Variants in RELN observed in about 807,000 individuals in gnomAD.
RELN encodes the protein reelin.
Under a neutral mutation model 427.6 loss-of-function variants are expected in RELN, and 108 were observed. The ratio of observed to expected loss-of-function variants is 0.25; its 90% CI spans 0.22 to 0.30. The LOEUF (loss-of-function observed/expected upper bound fraction) is 0.30. Ranked by LOEUF, RELN falls within the 10% of genes least tolerant of loss-of-function variation. The probability of loss-of-function intolerance (pLI) is 1.00; values close to 1 mark genes in which losing one functional copy is unlikely to be tolerated. For missense variants in RELN, 3,715 were observed against 4,302.8 expected, an observed-to-expected ratio of 0.86 and a Z score of 3.82; for synonymous variants, 1,524 against 1,513.4, an observed-to-expected ratio of 1.01 and a Z score of -0.16.
intron 12 of RELN, among the ~76,000 whole-genome samples, chr7:103,658,669 A>G (rs2191704): frequency 0.33 from 49,612 of 151,724 alleles, 8,336 homozygotes; most frequent in South Asian, 0.39. Context: ...TGAAGTAGCC[A>G]TCCTCCTCTT....
intron 41 of RELN, among the ~76,000 whole-genome samples, chr7:103,547,861 C>T (rs1294178474): frequency 6.6e-6 from 1 of 152,182 alleles, no homozygotes; most frequent in Non-Finnish European, 1.5e-5. Flanking sequence ...TGCCTTGACA[C>T]AGAAACTGCA....
intron 3 of RELN, among the ~76,000 whole-genome samples, chr7:103,828,719 A>C (rs1305638351): frequency 2.0e-5 from 3 of 151,862 alleles, no homozygotes; most frequent in Admixed American, 1.3e-4. Context: ...TCAAGATCAA[A>C]CCCATGTTCA....
At chr7:103,774,436 C>T (rs1052241967) in intron 4 of RELN, among the ~76,000 whole-genome samples, 4 of 151,982 alleles carry the variant, frequency 2.6e-5, no homozygotes, top group Admixed American at 2.0e-4. Flanking sequence ...ACAGTCTTGT[C>T]ATAAGAGATA....
chr7:103,754,745 C>T (rs1562992803), intron 4 of RELN, among the ~76,000 whole-genome samples: 1 of 152,084 alleles, frequency 6.6e-6, no homozygotes, highest in Non-Finnish European at 1.5e-5. Flanking sequence ...CATCACACTC[C>T]AGCCTGAGCA....
intron 20 of RELN, among the ~76,000 whole-genome samples, chr7:103,616,789 G>C (rs1832090376): frequency 6.6e-6 from 1 of 152,018 alleles, no homozygotes; most frequent in Non-Finnish European, 1.5e-5. Context: ...AATGAATCAA[G>C]CCAATCTTCA....
At position 103,873,105 on chromosome 7, in the gene RELN, A is replaced by C. The variant is rs1334629641; in HGVS notation, c.338-39433T>G. Among the ~76,000 whole-genome samples, 3 of 151,846 alleles carry C rather than the reference A, an allele frequency of 2.0e-5. No individual in the cohort carries two copies. The East Asian group carries it at 5.9e-4, about 30-fold the overall frequency. Reference sequence around the variant, plus strand: ...CTGAACAACCTGCTCCTGAATGACTACTGGGTACATAATGAAATGAAGGCA... The same window carrying C: ...CTGAACAACCTGCTCCTGAATGACTCCTGGGTACATAATGAAATGAAGGCA... On this transcript the variant is annotated intron_variant, in intron 2 of 64. Transcript: ENST00000428762.
intron 20 of RELN, among the ~76,000 whole-genome samples, chr7:103,613,778 T>C (rs1309706970): frequency 6.6e-6 from 1 of 152,094 alleles, no homozygotes; most frequent in African/African-American, 2.4e-5. Flanking sequence ...GGCTGAAGGG[T>C]CTGCAAATGA....
chr7:103,970,054 G>T (rs1199680984), intron 1 of RELN, among the ~76,000 whole-genome samples: 2 of 152,116 alleles, frequency 1.3e-5, no homozygotes, highest in African/African-American at 4.8e-5. Flanking sequence ...TGAGTCACCG[G>T]ATACTCAACC....
intron 62 of RELN, among the ~76,000 whole-genome samples, chr7:103,483,200 C>T (rs1338997036): frequency 4.6e-5 from 7 of 152,158 alleles, no homozygotes; most frequent in Non-Finnish European, 1.5e-5. Context: ...TTCCCTTGTT[C>T]CATTAATATC....
At chr7:103,865,578 G>A (rs1794178480) in intron 2 of RELN, among the ~76,000 whole-genome samples, 1 of 152,036 alleles carries the variant, frequency 6.6e-6, no homozygotes, top group South Asian at 2.1e-4. Context: ...ATTTTGGGGT[G>A]GCAAGGATAG....
intron 6 of RELN, among the ~76,000 whole-genome samples, chr7:103,737,050 G>T (rs563663940): frequency 6.6e-6 from 1 of 152,108 alleles, no homozygotes. Flanking sequence ...GGAGGTTAGA[G>T]AAAAAGTAGA....
At chr7:103,730,225 T>G (rs1790319460) in intron 6 of RELN, among the ~76,000 whole-genome samples, 1 of 152,138 alleles carries the variant, frequency 6.6e-6, no homozygotes, top group Non-Finnish European at 1.5e-5. Context: ...GCCTGCTGTT[T>G]GAACTTCTAC....
Position 103,989,126 on chromosome 7 carries a change from C to G in RELN, c.226+5G>C. 6.2e-7 allele frequency: 1 copy of G among 1,613,278 alleles called. No individual in the cohort carries two copies. The highest frequency in any genetic ancestry group is 8.5e-7 in the Non-Finnish European group (1 of 1,179,616). ...CGGCGAGCGCGGAGGTGCTGCGGTACCTACCATGGTATTCTTGTCCCGGAA... is the reference window on the plus strand; with the variant it reads ...CGGCGAGCGCGGAGGTGCTGCGGTAGCTACCATGGTATTCTTGTCCCGGAA... On this transcript the variant is annotated splice_donor_5th_base_variant and intron_variant, in intron 1 of 64. Coordinates refer to ENST00000428762, the MANE Select transcript of RELN (RefSeq NM_005045.4). The surrounding 1 kb of genome is among the most constrained non-coding windows in gnomAD (Gnocchi z 4.9).
intron 38 of RELN, among the ~76,000 whole-genome samples, chr7:103,555,167 C>T (rs1038238159): frequency 3.9e-5 from 6 of 152,066 alleles, no homozygotes; most frequent in South Asian, 2.1e-4. Flanking sequence ...TAGATAATAA[C>T]GGCAAAAGCC....
chr7:103,585,080 A>T (rs1396840390), intron 28 of RELN, among the ~76,000 whole-genome samples: 1 of 152,170 alleles, frequency 6.6e-6, no homozygotes, highest in Non-Finnish European at 1.5e-5. Flanking sequence ...AAAAGTTTAT[A>T]GCTTTAAATG....
chr7:103,626,816 A>G lies in RELN; in HGVS notation c.2702+3124T>C, dbSNP rs527619641. ...AAACTTCAATTAGAATTTTTCCCTT[A>G]CTGATCTTAAAGTATATGTAAGAGG... On this transcript the variant is annotated intron_variant, in intron 20 of 64. Transcript: ENST00000428762. This position sits in a 1 kb window ranked among gnomAD's most constrained non-coding sequence, Gnocchi z 4.4. Among the ~76,000 whole-genome samples the G allele has an allele frequency of 5.3e-5, 8 of 152,186 alleles. No homozygotes were observed. In the South Asian group the frequency reaches 1.5e-3, roughly 28 times the overall value.
chr7:103,604,332 T>G lies in RELN; in HGVS notation c.3146+14A>C. 1.2e-6 allele frequency: 2 copies of G among 1,613,730 alleles called. No homozygotes were observed. The highest frequency in any genetic ancestry group is 2.2e-5 in the South Asian group (2 of 91,082). ...GAGAAGCATGGACCTCATCGTGCTT[T>G]CTGGTGCACATACCTGCATATGCCA... On this transcript the variant is annotated intron_variant, in intron 23 of 64. Transcript: ENST00000428762.
Position 103,918,979 on chromosome 7 carries a change from T to C in RELN, c.227-1794A>G, listed in dbSNP as rs1472563655. On this transcript the variant is annotated intron_variant, in intron 1 of 64. Coordinates refer to ENST00000428762, the MANE Select transcript of RELN (RefSeq NM_005045.4). ...GAAAAAAATACTTGTTTGAAATGAA[T>C]TGATTATAATCTGCTTGCTAGAGTT... is the stretch of plus-strand genomic sequence containing the variant. 2.6e-5 allele frequency among the ~76,000 whole-genome samples: 4 copies of C among 152,252 alleles called. No individual in the cohort carries two copies. In the Middle Eastern group the frequency reaches 0.01, roughly 388 times the overall value.
intron 1 of RELN, among the ~76,000 whole-genome samples, chr7:103,920,302 G>C (rs886268401): frequency 6.6e-6 from 1 of 152,066 alleles, no homozygotes; most frequent in Non-Finnish European, 1.5e-5. Flanking sequence ...GGGGATAATT[G>C]GACAAATTTT....
Sources: allele counts gnomAD v4.1 joint callset (sites outside exome capture counted in the v4.1 genomes callset), GRCh38; gene constraint gnomAD v4.1.1; non-coding constraint Gnocchi (gnomAD v3.1); transcripts MANE v1.5; gene names NCBI Gene and HGNC (gene_info 2026-07-23, HGNC 2026-07-21).